NSD3: variants seen among roughly 807,000 people sequenced by gnomAD.
NSD3 encodes nuclear receptor binding SET domain protein 3.
In NSD3, 24 loss-of-function variants were observed where a neutral mutation model predicts 160.8. The ratio of observed to expected loss-of-function variants is 0.15; its 90% confidence interval spans 0.11 to 0.21. The LOEUF (loss-of-function observed/expected upper bound fraction) is 0.21, where lower values mean the gene tolerates loss of function less well. Among genes scored for constraint, NSD3 ranks in the 10% least tolerant of loss-of-function variants. The probability of loss-of-function intolerance (pLI) is 1.00; values close to 1 mark genes in which losing one functional copy is unlikely to be tolerated. For synonymous variants in NSD3, 520 were observed against 600.0 expected (o/e 0.87, Z 1.95); for missense variants, 1,157 against 1,735.9 (o/e 0.67, Z 5.93).
At chr8:38,333,060 G>A (rs1810105506) in intron 4 of NSD3, among the ~76,000 whole-genome samples, 1 of 152,068 alleles carries the variant, frequency 6.6e-6, no homozygotes, top group South Asian at 2.1e-4. Context: ...GGGAAAAATA[G>A]AAATATAACC....
chr8:38,304,570 A>C lies in NSD3; in HGVS notation c.2611+17T>G, dbSNP rs1353255934. The C allele has an allele frequency of 6.3e-7, 1 of 1,596,268 alleles. No individual in the cohort carries two copies. The highest frequency in any genetic ancestry group is 8.5e-7 in the Non-Finnish European group (1 of 1,173,478). ...AATGACCTCAAAAATAAATGAAGAG[A>C]AAAGTCAGACACTCACCTCTGGCAC... On this transcript the variant is annotated intron_variant, in intron 14 of 23. Transcript: ENST00000317025.
chr8:38,349,385 T>C (rs564771930), intron 1 of NSD3, among the ~76,000 whole-genome samples: 2 of 152,058 alleles, frequency 1.3e-5, no homozygotes, highest in South Asian at 4.2e-4. Flanking sequence ...GGTCTTGCTA[T>C]GTTGCCCAGG....
At chr8:38,358,228 T>A (rs1336034403) in intron 1 of NSD3, among the ~76,000 whole-genome samples, 1 of 152,080 alleles carries the variant, frequency 6.6e-6, no homozygotes, top group Non-Finnish European at 1.5e-5. Flanking sequence ...ACATAATCAA[T>A]CATACTATAA....
At chr8:38,304,859 T>C in intron 13 of NSD3, 102 bp from the exon 14 acceptor site, 1 of 1,245,432 alleles carries the variant, frequency 8.0e-7, no homozygotes, top group South Asian at 1.6e-5. Context: ...AGATGCTAGT[T>C]ACAGTAGATG....
In NSD3 at chr8:38,314,676, C is replaced by G. The variant is rs1307101276; in HGVS notation, c.2213G>C (p.Ser738Thr). The part of the protein sequence containing the change: ...ECLGLASLPD[S>T]KFICMECKTG... ...TTTACATTCCATGCAGATGAACTTG[C>G]TATCAGGAAGTGATGCCAATCCCAG... The change falls in exon 12 of 24, where the codon AGC becomes ACC. Residue 738 changes from serine to threonine, a missense_variant. Physicochemically the swap from Ser to Thr is moderately conservative, Grantham distance 58. Around this residue, in one of 10 missense-constraint regions of NSD3, gnomAD observed 437 missense variants for 576.6 expected, o/e 0.76. Coordinates refer to ENST00000317025, the MANE Select transcript of NSD3 (RefSeq NM_023034.2). 6.2e-7 allele frequency: 1 copy of G among 1,614,174 alleles called. No individual in the cohort carries two copies. Among genetic ancestry groups the G allele is most frequent in the Admixed American group, 1.7e-5 (1 of 60,026 alleles).
intron 16 of NSD3, among the ~76,000 whole-genome samples, chr8:38,295,445 C>T (rs1585863509): frequency 6.6e-6 from 1 of 151,958 alleles, no homozygotes; most frequent in African/African-American, 2.4e-5. Flanking sequence ...ACCTGTAATC[C>T]CAGCTACTTT....
chr8:38,287,024 G>A (rs1381586167), intron 19 of NSD3, among the ~76,000 whole-genome samples: 3 of 152,160 alleles, frequency 2.0e-5, no homozygotes, highest in Non-Finnish European at 2.9e-5. Flanking sequence ...ATCCACTAAG[G>A]TAAGGGTTTC....
rs773474468 is a variant in NSD3 at position 38,318,403 on chromosome 8, G to C, written c.1855+492C>G. 3.3e-5 allele frequency among the ~76,000 whole-genome samples: 5 copies of C among 152,132 alleles called. No individual in the cohort carries two copies. The highest frequency in any genetic ancestry group is 6.5e-5 in the Admixed American group (1 of 15,284). On this transcript the variant is annotated intron_variant, in intron 9 of 23. Transcript: ENST00000317025. This position sits in a 1 kb window ranked among gnomAD's most constrained non-coding sequence, Gnocchi z 5.3. ...GCATATCTCAAATAGATTCGCATAAGGTCATCTAATAGTGGCCATAAATGC... is the reference window on the plus strand; with the variant it reads ...GCATATCTCAAATAGATTCGCATAACGTCATCTAATAGTGGCCATAAATGC...
chr8:38,363,004 T>C (rs919844714), intron 1 of NSD3, among the ~76,000 whole-genome samples: 3 of 152,234 alleles, frequency 2.0e-5, no homozygotes, highest in African/African-American at 7.2e-5. Context: ...GCTCAGAGAA[T>C]TGCCAAATGT....
rs1225975674 is a variant in NSD3, at chr8:38,276,442, C to T, written c.3926G>A (p.Arg1309Lys). 2 of 1,614,234 alleles carry T rather than the reference C, an allele frequency of 1.2e-6. No homozygotes were observed. Among genetic ancestry groups the T allele is most frequent in the Admixed American group, 1.7e-5 (1 of 60,014 alleles). ...KAKNAKLKQK[R>K]RKIKTEPKQM... The stretch of plus-strand genomic sequence containing the variant: ...CTTTGGTTCTGTTTTGATCTTTCGT[C>T]TCTTCTGTTTTAACTTAGCATTTTT... Residue 1309 changes from arginine (R) to lysine (K), a missense_variant, in exon 23 of 24, where the codon AGA (arginine) becomes AAA (lysine). Arg to Lys is a conservative substitution (Grantham distance 26, BLOSUM62 2). This residue lies in a region of NSD3 where 222 missense variants were observed against 409.9 expected (regional missense o/e 0.54). Coordinates refer to ENST00000317025, the MANE Select transcript of NSD3 (RefSeq NM_023034.2).
intron 1 of NSD3, among the ~76,000 whole-genome samples, chr8:38,376,493 T>C (rs1371534303): frequency 2.6e-5 from 4 of 152,040 alleles, no homozygotes; most frequent in Non-Finnish European, 5.9e-5. Context: ...TGGAGTGCAA[T>C]GGCGCGACCT....
At chr8:38,370,513 A>G (rs1296892100) in intron 1 of NSD3, among the ~76,000 whole-genome samples, 2 of 152,076 alleles carry the variant, frequency 1.3e-5, no homozygotes, top group African/African-American at 4.8e-5. Flanking sequence ...TTTTCTTAAA[A>G]TGGGACGTAG....
At chr8:38,300,460 G>A (rs1270230156) in intron 14 of NSD3, among the ~76,000 whole-genome samples, 1 of 152,174 alleles carries the variant, frequency 6.6e-6, no homozygotes, top group Admixed American at 6.5e-5. Context: ...GAGCCACTGT[G>A]CCAGGCCTGG....
At chr8:38,348,265 A>G (rs1810583467) in intron 1 of NSD3, 50 bp from the exon 2 acceptor site, 1 of 1,400,976 alleles carries the variant, frequency 7.1e-7, no homozygotes, top group Non-Finnish European at 9.5e-7. Context: ...CTCATAGGCT[A>G]GAGGCTAATC....
chr8:38,377,298 C>T (rs1440139320), intron 1 of NSD3, among the ~76,000 whole-genome samples: 1 of 152,132 alleles, frequency 6.6e-6, no homozygotes, highest in Non-Finnish European at 1.5e-5. Context: ...AAGTGATCCT[C>T]CTGCCTCAGC....
intron 6 of NSD3, among the ~76,000 whole-genome samples, chr8:38,327,883 G>C (rs555563113): frequency 6.6e-6 from 1 of 152,248 alleles, no homozygotes; most frequent in Non-Finnish European, 1.5e-5. Context: ...TGGAATAGAA[G>C]TAAAGAAGTG....
chr8:38,334,570 C>CGTGT (rs1810160228), intron 4 of NSD3, among the ~76,000 whole-genome samples: 1 of 151,256 alleles, frequency 6.6e-6, no homozygotes, highest in Non-Finnish European at 1.5e-5. Context: ...CTGGCCAACA[C>CGTGT]AGTGAAACCC....
At chr8:38,308,530 G>A (rs1809458973) in intron 12 of NSD3, among the ~76,000 whole-genome samples, 1 of 152,142 alleles carries the variant, frequency 6.6e-6, no homozygotes, top group Non-Finnish European at 1.5e-5. Flanking sequence ...AAATAAAATA[G>A]GACTTCAGAT....
At chr8:38,357,515 T>G (rs943706055) in intron 1 of NSD3, among the ~76,000 whole-genome samples, 3 of 152,204 alleles carry the variant, frequency 2.0e-5, no homozygotes, top group Non-Finnish European at 4.4e-5. Flanking sequence ...ATATACCCTT[T>G]TCCTTTTTTA....
Sources: allele counts gnomAD v4.1 joint callset (sites outside exome capture counted in the v4.1 genomes callset), GRCh38; gene constraint gnomAD v4.1.1; regional missense constraint gnomAD v4.1.1; non-coding constraint Gnocchi (gnomAD v3.1); transcripts MANE v1.5; gene names NCBI Gene and HGNC (gene_info 2026-07-23, HGNC 2026-07-21).